Variants in ARLN observed in about 807,000 individuals in gnomAD.
ARLN encodes the protein allregulin.
At chr4:119,300,832 G>T in the ARLN span, 2 of 1,434,668 alleles carry the variant, frequency 1.4e-6, no homozygotes, top group Non-Finnish European at 9.1e-7. Flanking sequence ...TTCAGGTTTC[G>T]TTGGAAGAAA....
At chr4:119,299,888 C>T in the ARLN span, among the ~76,000 whole-genome samples, 2 of 152,140 alleles carry the variant, frequency 1.3e-5, no homozygotes, top group Non-Finnish European at 2.9e-5. Flanking sequence ...GGTTAAACAG[C>T]TGTATAGTAA....
At chr4:119,304,398 A>C in the ARLN span, 1 of 1,536,802 alleles carries the variant, frequency 6.5e-7, no homozygotes, top group Non-Finnish European at 8.7e-7. Context: ...TTCCCTCTAC[A>C]TTCTGTAATG....
At chr4:119,304,193 T>C in the ARLN span, 163,005 of 1,352,188 alleles carry the variant, frequency 0.12, 10,690 homozygotes, top group Non-Finnish European at 0.13. Context: ...TCATAAAATT[T>C]CCTTCACTAC....
the ARLN span, chr4:119,300,238 T>G: frequency 2.1e-6 from 2 of 968,312 alleles, no homozygotes; most frequent in Non-Finnish European, 3.2e-6. Flanking sequence ...ATCTTGGACA[T>G]ATATAAACTC....
the ARLN span, among the ~76,000 whole-genome samples, chr4:119,303,280 C>T: frequency 7.0e-6 from 1 of 142,970 alleles, no homozygotes; most frequent in Non-Finnish European, 1.5e-5. Flanking sequence ...GTCGCCCAGG[C>T]TGGAGTGCAA....
chr4:119,296,461 T>A, the ARLN span: 1 of 152,182 alleles, frequency 6.6e-6, no homozygotes, highest in South Asian at 2.1e-4. Flanking sequence ...CTCTTGTGAT[T>A]ATGGAGGCTG....
chr4:119,301,985 T>C, the ARLN span, among the ~76,000 whole-genome samples: 1 of 152,190 alleles, frequency 6.6e-6, no homozygotes, highest in Non-Finnish European at 1.5e-5. Context: ...TGTGCTGTAA[T>C]ACAGATTGTC....
At chr4:119,300,652 C>A in the ARLN span, 3 of 1,564,260 alleles carry the variant, frequency 1.9e-6, no homozygotes, top group East Asian at 2.4e-5. Flanking sequence ...GTGCGCCGCG[C>A]CCCGGGTTCC....
chr4:119,296,759 C>T, the ARLN span: 239 of 152,292 alleles, frequency 1.6e-3, no homozygotes, highest in African/African-American at 5.6e-3. Flanking sequence ...GATTCAAATG[C>T]TAATCTCTTC....
At chr4:119,298,668 A>T in the ARLN span, 14 of 649,942 alleles carry the variant, frequency 2.2e-5, no homozygotes, top group South Asian at 2.8e-4. Flanking sequence ...GGTCCCTTGG[A>T]GATGTGAAAT....
chr4:119,300,475 T>C, the ARLN span: 1 of 1,614,164 alleles, frequency 6.2e-7, no homozygotes, highest in Non-Finnish European at 8.5e-7. Context: ...CCTCCCTCGC[T>C]AAAGCCTCGC....
the ARLN span, among the ~76,000 whole-genome samples, chr4:119,299,070 A>G: frequency 1.1e-4 from 16 of 152,178 alleles, no homozygotes; most frequent in Non-Finnish European, 2.1e-4. Flanking sequence ...CCATCCTCCC[A>G]TTAATCCCTC....
the ARLN span, among the ~76,000 whole-genome samples, chr4:119,301,310 G>A: frequency 2.7e-5 from 4 of 150,780 alleles, no homozygotes; most frequent in African/African-American, 9.8e-5. Context: ...TGTAATCCCA[G>A]TTACTCGGGA....
chr4:119,300,594 T>C, the ARLN span: 1 of 1,612,478 alleles, frequency 6.2e-7, no homozygotes, highest in Admixed American at 1.7e-5. Flanking sequence ...TTCCCGGACT[T>C]TGGTGTTCGC....
the ARLN span, among the ~76,000 whole-genome samples, chr4:119,298,956 T>C: frequency 6.6e-6 from 1 of 152,014 alleles, no homozygotes; most frequent in Non-Finnish European, 1.5e-5. Flanking sequence ...CAAAACCCAC[T>C]GTATTTGAGA....
chr4:119,296,843 C>T, the ARLN span: 1 of 152,136 alleles, frequency 6.6e-6, no homozygotes, highest in African/African-American at 2.4e-5. Context: ...ATAAAATTAA[C>T]CTTCACACCA....
At chr4:119,300,342 A>C in the ARLN span, 2 of 1,606,584 alleles carry the variant, frequency 1.2e-6, no homozygotes, top group South Asian at 1.1e-5. Flanking sequence ...TCACCATGGC[A>C]AAAAATACAC....
the ARLN span, chr4:119,298,473 T>C: frequency 3.8e-6 from 1 of 266,106 alleles, no homozygotes; most frequent in Non-Finnish European, 7.0e-6. Context: ...TATTTCTTAA[T>C]GAATACACAA....
the ARLN span, chr4:119,298,494 T>C: frequency 1.2e-5 from 4 of 329,320 alleles, no homozygotes; most frequent in Non-Finnish European, 2.2e-5. Context: ...GACCTTTAAG[T>C]ACAAATGCTT....
Sources: gnomAD v4.1 joint callset for allele counts (sites outside exome capture counted in the v4.1 genomes callset) on GRCh38, gnomAD v4.1.1 for gene constraint, MANE v1.5 for transcripts, NCBI Gene and HGNC (gene_info 2026-07-23, HGNC 2026-07-21) for gene names.